Variants in BCAS1 observed in about 807,000 individuals in gnomAD.
BCAS1 encodes brain enriched myelin associated protein 1.
In BCAS1, 46 loss-of-function variants were observed where a neutral mutation model predicts 65.4. That is an observed-to-expected ratio of 0.70 (90% CI 0.55 to 0.90). The LOEUF (loss-of-function observed/expected upper bound fraction) is 0.90. Among genes scored for constraint, BCAS1 ranks in the 40% least tolerant of loss-of-function variants. The probability of loss-of-function intolerance (pLI) is 0.00; values close to 1 mark genes in which losing one functional copy is unlikely to be tolerated. For missense variants in BCAS1, 793 were observed against 771.2 expected, an observed-to-expected ratio of 1.03 and a Z score of -0.33; for synonymous variants, 298 against 293.5, an observed-to-expected ratio of 1.02 and a Z score of -0.16.
intron 1 of BCAS1, among the ~76,000 whole-genome samples, chr20:54,065,699 C>T (rs775622115): frequency 6.6e-6 from 1 of 152,198 alleles, no homozygotes; most frequent in Non-Finnish European, 1.5e-5. Context: ...TGAGTAAATT[C>T]GTCTGTGGTG....
In BCAS1 at chr20:53,998,405, G is replaced by C. The variant is rs140704141; in HGVS notation, c.724-2355C>G. On this transcript the variant is annotated intron_variant, in intron 4 of 12. Transcript: ENST00000688948. ...GGGACTGGCATCTGCTTGGCTTCTG[G>C]GAGGCCTCAGGAAGCTTACAATCAT... is the stretch of plus-strand genomic sequence containing the variant. Among the ~76,000 whole-genome samples, 1,074 of 152,308 alleles carry C rather than the reference G, an allele frequency of 7.1e-3. 10 individuals are homozygous for C. The highest frequency in any genetic ancestry group is 0.041 in the South Asian group (198 of 4,824).
chr20:54,058,702 C>T lies in BCAS1; in HGVS notation c.17G>A (p.Ser6Asn). The change falls in exon 2 of 13, where the codon AGT becomes AAT. Residue 6 changes from serine (S) to asparagine (N), a missense_variant. Physicochemically the swap from Ser to Asn is conservative, Grantham distance 46 (BLOSUM62 1). Coordinates refer to ENST00000688948, the MANE Select transcript of BCAS1 (RefSeq NM_001366298.2). MGNQM[S>N]VPQRVEDQEN... Reference sequence around the variant, plus strand: ...TTGGTCTTCAACTCTTTGGGGAACACTCATTTGGTTACCCATTGCTCCTAT... The same window carrying T: ...TTGGTCTTCAACTCTTTGGGGAACATTCATTTGGTTACCCATTGCTCCTAT... 6.3e-7 allele frequency: 1 copy of T among 1,593,598 alleles called. No individual in the cohort carries two copies. Among genetic ancestry groups the T allele is most frequent in the African/African-American group, 1.4e-5 (1 of 73,618 alleles).
chr20:53,963,930 C>T (rs979700186), intron 10 of BCAS1, among the ~76,000 whole-genome samples: 4 of 152,170 alleles, frequency 2.6e-5, no homozygotes, highest in Non-Finnish European at 5.9e-5. Flanking sequence ...GCTGAAATAA[C>T]GTGGGTGAGA....
At chr20:53,975,542 C>A (rs2090309862) in intron 8 of BCAS1, 112 bp from the exon 9 acceptor site, 1 of 658,454 alleles carries the variant, frequency 1.5e-6, no homozygotes, top group Non-Finnish European at 2.6e-6. Context: ...TTCGGGGACA[C>A]TGAATTGCCT....
chr20:54,015,101 C>T (rs6091807), intron 4 of BCAS1, among the ~76,000 whole-genome samples: 26,737 of 150,594 alleles, frequency 0.18, 2,490 homozygotes, highest in East Asian at 0.35. Context: ...GGTGCAATCT[C>T]GTCTCACTGC....
In BCAS1 at chr20:54,057,712, T is replaced by G. The variant is rs1347357185; in HGVS notation, c.142+373A>C. Among the ~76,000 whole-genome samples, 4 of 152,294 alleles carry G rather than the reference T, an allele frequency of 2.6e-5. No homozygotes were observed. The Middle Eastern group carries it at 0.01, about 389-fold the overall frequency. ...TATTAGGGTGGGCCCTAATCCAACA[T>G]GACTGCTTCCATATGATGAAGGGGA... On this transcript the variant is annotated intron_variant, in intron 3 of 12. Transcript: ENST00000688948.
chr20:54,044,338 A>C (rs560066646), intron 3 of BCAS1, among the ~76,000 whole-genome samples: 1 of 152,250 alleles, frequency 6.6e-6, no homozygotes, highest in Admixed American at 6.5e-5. Context: ...TTGGAGCCCA[A>C]CTGTGCTGCC....
intron 4 of BCAS1, among the ~76,000 whole-genome samples, chr20:54,014,798 G>A (rs1041270649): frequency 2.6e-5 from 4 of 152,184 alleles, no homozygotes; most frequent in African/African-American, 7.2e-5. Flanking sequence ...CAGAGGGTTC[G>A]ATTTGCTGGA....
chr20:53,994,085 G>T (rs1300360988), intron 6 of BCAS1, among the ~76,000 whole-genome samples: 1 of 152,176 alleles, frequency 6.6e-6, no homozygotes, highest in African/African-American at 2.4e-5. Flanking sequence ...GAGCTGAAAT[G>T]CAGGTCTTTT....
chr20:54,052,672 C>T (rs1361820797), intron 3 of BCAS1, among the ~76,000 whole-genome samples: 1 of 152,158 alleles, frequency 6.6e-6, no homozygotes, highest in Non-Finnish European at 1.5e-5. Flanking sequence ...TCTGAGGACA[C>T]AGCATTCCTC....
At chr20:54,050,463 T>A (rs750991943) in intron 3 of BCAS1, among the ~76,000 whole-genome samples, 1 of 152,222 alleles carries the variant, frequency 6.6e-6, no homozygotes, top group Admixed American at 6.5e-5. Flanking sequence ...GTGTATGCAC[T>A]CTCAGTGGGG....
In BCAS1 at chr20:54,028,534, A is replaced by G. The variant is rs772494840; in HGVS notation, c.581T>C (p.Phe194Ser). The change falls in exon 4 of 13, where the codon TTT becomes TCT. Residue 194 changes from phenylalanine to serine, a missense_variant. Coordinates refer to ENST00000688948, the MANE Select transcript of BCAS1 (RefSeq NM_001366298.2). ...CTTGTCCAGCTTGAAGAATTTGTCA[A>G]AAAAGCTGGAGTCCTTGGGCTTGGA... ...APSKPKDSSF[F>S]DKFFKLDKGQ... is the part of the protein sequence containing the mutation. 7 of 1,614,120 alleles carry G rather than the reference A, an allele frequency of 4.3e-6. No individual in the cohort carries two copies. The East Asian group carries it at 1.3e-4, about 31-fold the overall frequency.
intron 3 of BCAS1, among the ~76,000 whole-genome samples, chr20:54,054,613 T>C (rs1056880712): frequency 6.6e-6 from 1 of 152,224 alleles, no homozygotes; most frequent in Non-Finnish European, 1.5e-5. Flanking sequence ...AAGATGTCAA[T>C]GAATAACAGG....
At chr20:54,054,172 C>T (rs6013878) in intron 3 of BCAS1, among the ~76,000 whole-genome samples, 8,715 of 152,194 alleles carry the variant, frequency 0.057, 417 homozygotes, top group African/African-American at 0.13. Context: ...GATTCAATTA[C>T]CTCCTACTGG....
At chr20:54,058,046 C>T (rs758960300) in intron 3 of BCAS1, 39 bp downstream of exon 3, 2 of 1,515,856 alleles carry the variant, frequency 1.3e-6, no homozygotes, top group East Asian at 2.3e-5. Context: ...CCCCCCTTCC[C>T]CACGAGAGGG....
intron 7 of BCAS1, among the ~76,000 whole-genome samples, chr20:53,988,399 T>C (rs1037631708): frequency 3.9e-5 from 6 of 152,192 alleles, no homozygotes; most frequent in African/African-American, 1.4e-4. Context: ...AGACATAATT[T>C]CCAACTTTAA....
chr20:53,997,222 A>G (rs2090940470), intron 4 of BCAS1, among the ~76,000 whole-genome samples: 1 of 152,256 alleles, frequency 6.6e-6, no homozygotes, highest in Non-Finnish European at 1.5e-5. Flanking sequence ...AAAGACAGGG[A>G]TAATATCTAC....
Position 53,966,966 on chromosome 20 carries a change from C to T in BCAS1, c.1425G>A (p.Ala475=), listed in dbSNP as rs16998657. The change falls in exon 10 of 13, where the codon GCG becomes GCA. Residue 475 remains alanine (A), a synonymous_variant. Transcript: ENST00000688948. ...EGDAAPEPTE[A]KLKREESKPR... ...GTTTGCTTTCTTCTCTTTTGAGTTT[C>T]GCTTCTGTGGGTTCAGGTGCAGCAT... 2.6e-3 allele frequency: 4,230 copies of T among 1,613,224 alleles called. 202 individuals carry two copies. The East Asian group carries it at 0.08, about 30-fold the overall frequency.
At chr20:53,980,106 C>T (rs1348816871) in intron 8 of BCAS1, among the ~76,000 whole-genome samples, 2 of 152,054 alleles carry the variant, frequency 1.3e-5, no homozygotes, top group Non-Finnish European at 2.9e-5. Context: ...ACCCAAGTAC[C>T]ATAACATAGT....
Sources: allele counts gnomAD v4.1 joint callset (sites outside exome capture counted in the v4.1 genomes callset), GRCh38; gene constraint gnomAD v4.1.1; transcripts MANE v1.5; gene names NCBI Gene and HGNC (gene_info 2026-07-23, HGNC 2026-07-21).